The following XYLT1 variants were observed in gnomAD, a reference collection of about 807,000 sequenced individuals.
The protein encoded by XYLT1 is xylosyltransferase 1, also known as beta-D-xylosyltransferase 1.
XYLT1 carries 36 observed loss-of-function variants against 91.3 expected under a neutral mutation model. The observed-to-expected ratio is 0.39, with a 90% CI of 0.30 to 0.52. The LOEUF (loss-of-function observed/expected upper bound fraction) is 0.52, where lower values mean the gene tolerates loss of function less well. XYLT1 is among the 20% of genes least tolerant of loss of function. XYLT1 has a pLI of 0.68. For synonymous variants in XYLT1, 588 were observed against 532.0 expected (o/e 1.11, Z -1.45); for missense variants, 1,242 against 1,284.5 (o/e 0.97, Z 0.51).
intron 1 of XYLT1, among the ~76,000 whole-genome samples, chr16:17,360,707 C>A (rs533489686): frequency 1.8e-4 from 27 of 152,336 alleles, no homozygotes; most frequent in African/African-American, 6.3e-4. Flanking sequence ...TCAGCAACAT[C>A]CTCCTTAATT....
chr16:17,353,842 G>A (rs982066153), intron 2 of XYLT1, among the ~76,000 whole-genome samples: 10 of 152,224 alleles, frequency 6.6e-5, no homozygotes, highest in Admixed American at 5.9e-4. Flanking sequence ...TAGGAAAGCA[G>A]TTGAGAAGAT....
intron 7 of XYLT1, among the ~76,000 whole-genome samples, chr16:17,140,406 A>G (rs141528287): frequency 3.3e-4 from 50 of 152,154 alleles, no homozygotes; most frequent in African/African-American, 9.4e-4. Flanking sequence ...CATGCCTGCA[A>G]TCCCAGCACT....
At chr16:17,382,067 T>C (rs991185304) in intron 1 of XYLT1, among the ~76,000 whole-genome samples, 1 of 151,908 alleles carries the variant, frequency 6.6e-6, no homozygotes, top group Non-Finnish European at 1.5e-5. Context: ...TCTTACCCAC[T>C]GTGCCGTGCC....
intron 5 of XYLT1, among the ~76,000 whole-genome samples, chr16:17,176,649 A>G (rs1395880546): frequency 6.6e-6 from 1 of 152,238 alleles, no homozygotes; most frequent in Admixed American, 6.5e-5. Context: ...ACCCAGGGCC[A>G]CGAAGCCTAA....
intron 2 of XYLT1, among the ~76,000 whole-genome samples, chr16:17,356,287 T>A (rs189094134): frequency 1.5e-4 from 23 of 152,128 alleles, no homozygotes; most frequent in Admixed American, 3.9e-4. Context: ...ATAGATGAAA[T>A]TTACATAAGG....
intron 1 of XYLT1, among the ~76,000 whole-genome samples, chr16:17,381,861 GA>G (rs773270535): frequency 2.0e-5 from 3 of 152,160 alleles, no homozygotes; most frequent in East Asian, 3.9e-4. Context: ...TTCTAGGAAT[GA>G]ATTTATTTAC....
At chr16:17,336,675 T>C (rs1209916510) in intron 2 of XYLT1, among the ~76,000 whole-genome samples, 2 of 152,218 alleles carry the variant, frequency 1.3e-5, no homozygotes, top group Non-Finnish European at 2.9e-5. Flanking sequence ...TCTACACTGG[T>C]TGGGGCAAGT....
chr16:17,160,864 A>G (rs1001350645), intron 5 of XYLT1, among the ~76,000 whole-genome samples: 2 of 152,112 alleles, frequency 1.3e-5, no homozygotes, highest in African/African-American at 4.8e-5. Flanking sequence ...AATTTAAGCA[A>G]TGTTTCTCTC....
intron 2 of XYLT1, among the ~76,000 whole-genome samples, chr16:17,317,251 T>C (rs1367620799): frequency 6.6e-6 from 1 of 152,106 alleles, no homozygotes; most frequent in Non-Finnish European, 1.5e-5. Context: ...TCATTTACAA[T>C]TAGAGAGGTG....
At chr16:17,418,739 T>C (rs1477989782) in intron 1 of XYLT1, among the ~76,000 whole-genome samples, 2 of 151,776 alleles carry the variant, frequency 1.3e-5, no homozygotes, top group Non-Finnish European at 2.9e-5. Flanking sequence ...TCCCAGCTAG[T>C]TGGGAGTCTG....
intron 3 of XYLT1, among the ~76,000 whole-genome samples, chr16:17,245,323 ACTGG>A (rs2033419615): frequency 6.6e-6 from 1 of 152,050 alleles, no homozygotes; most frequent in Non-Finnish European, 1.5e-5. Flanking sequence ...ATCACCGGGG[ACTGG>A]CTCTTGGCAG....
intron 9 of XYLT1, among the ~76,000 whole-genome samples, chr16:17,131,959 A>T (rs2030498551): frequency 6.6e-6 from 1 of 152,226 alleles, no homozygotes; most frequent in Admixed American, 6.5e-5. Flanking sequence ...ATAAAAAACG[A>T]GGTGGATACC....
intron 1 of XYLT1, among the ~76,000 whole-genome samples, chr16:17,419,063 C>T (rs1227552512): frequency 6.6e-6 from 1 of 151,950 alleles, no homozygotes; most frequent in Non-Finnish European, 1.5e-5. Flanking sequence ...ATACAGTGGT[C>T]TTTCAATTTA....
chr16:17,197,829 C>T (rs1043241578), intron 5 of XYLT1, among the ~76,000 whole-genome samples: 14 of 152,138 alleles, frequency 9.2e-5, no homozygotes, highest in South Asian at 4.1e-4. Context: ...AGCTTGCAGA[C>T]GGCCTATCGT....
chr16:17,179,117 C>T (rs1190913821), intron 5 of XYLT1, among the ~76,000 whole-genome samples: 2 of 151,824 alleles, frequency 1.3e-5, no homozygotes, highest in Non-Finnish European at 2.9e-5. Context: ...AGGCTTTTAT[C>T]CTAAGTGAAC....
rs778132078 is a variant in XYLT1 at position 17,127,653 on chromosome 16, C to G, written c.2223+13G>C. ...CAAAATACAATGAAATGTGACAAGA[C>G]CTGGCCTCTTACCTCGGAAAACTGA... On this transcript the variant is annotated intron_variant, in intron 10 of 11. Transcript: ENST00000261381. 6.2e-7 allele frequency: 1 copy of G among 1,611,446 alleles called. No homozygotes were observed. The highest frequency in any genetic ancestry group is 1.1e-5 in the South Asian group (1 of 90,716).
At chr16:17,160,901 T>A (rs563682626) in intron 5 of XYLT1, among the ~76,000 whole-genome samples, 2 of 152,314 alleles carry the variant, frequency 1.3e-5, no homozygotes, top group East Asian at 3.9e-4. Context: ...CCATTCCAAC[T>A]GCGTTTTAAC....
intron 1 of XYLT1, among the ~76,000 whole-genome samples, chr16:17,374,348 G>T (rs533885854): frequency 1.3e-5 from 2 of 152,278 alleles, no homozygotes; most frequent in South Asian, 4.1e-4. Flanking sequence ...TATCCAAAGA[G>T]CAACAGGGAG....
chr16:17,115,366 T>C (rs113901771), intron 11 of XYLT1, among the ~76,000 whole-genome samples: 8,278 of 147,498 alleles, frequency 0.056, 773 homozygotes, highest in African/African-American at 0.19. Flanking sequence ...CTCGTGTAGT[T>C]TCAGCTACTT....
Sources: allele counts gnomAD v4.1 joint callset (sites outside exome capture counted in the v4.1 genomes callset), GRCh38; gene constraint gnomAD v4.1.1; transcripts MANE v1.5; gene names NCBI Gene and HGNC (gene_info 2026-07-23, HGNC 2026-07-21).